The following EXO1 variants were observed in gnomAD, a reference collection of about 807,000 sequenced individuals.
EXO1 encodes the protein exonuclease 1.
In EXO1, 69 loss-of-function variants were observed where a neutral mutation model predicts 84.5. The ratio of observed to expected loss-of-function variants is 0.82; its 90% CI spans 0.67 to 1.00. The LOEUF (loss-of-function observed/expected upper bound fraction) is 1.00, where lower values mean the gene tolerates loss of function less well. Among genes scored for constraint, EXO1 ranks in the 50% least tolerant of loss-of-function variants. EXO1 has a pLI of 0.00. For missense variants in EXO1, 1,045 were observed against 1,000.7 expected, an observed-to-expected ratio of 1.04 and a Z score of -0.60; for synonymous variants, 373 against 366.1, an observed-to-expected ratio of 1.02 and a Z score of -0.21.
rs776925085 is a variant in EXO1, at chr1:241,850,391, T to G, written c.-17-18T>G. ...TTTCTTTAAATATTACTGTTCTCCC[T>G]GTCTCTTTTCATATCAGGTAGTTAA... is the stretch of plus-strand genomic sequence containing the variant. On this transcript the variant is annotated intron_variant, in intron 3 of 15. Coordinates refer to ENST00000366548, the MANE Select transcript of EXO1 (RefSeq NM_130398.4). 6.6e-7 allele frequency: 1 copy of G among 1,519,898 alleles called. No individual in the cohort carries two copies. The highest frequency in any genetic ancestry group is 9.1e-7 in the Non-Finnish European group (1 of 1,094,512). 94.2% of individuals were successfully genotyped at this position (1,519,898 alleles called of 1,614,324 possible). A position where few individuals can be genotyped will look rare whatever the true frequency, so the allele number is the denominator to read the frequency against.
Position 241,850,499 on chromosome 1 carries a change from AG to A in EXO1, c.76del (p.Val26Ter). ...EPIHVRKYKG[Q>X]VVAVDTYCWL... ...ATCCATGTGAGGAAGTATAAAGGGC[AG>A]GTAGTAGCTGTGGATACATATTGCT... On this transcript the variant is annotated frameshift_variant, in exon 4 of 16. Transcript: ENST00000366548. LOFTEE classifies it high-confidence loss of function. The A allele has an allele frequency of 6.2e-7, 1 of 1,613,808 alleles. No homozygotes were observed. Among genetic ancestry groups the A allele is most frequent in the Non-Finnish European group, 8.5e-7 (1 of 1,179,668 alleles).
At chr1:241,878,237 G>T (rs1318933964) in intron 12 of EXO1, among the ~76,000 whole-genome samples, 1 of 152,170 alleles carries the variant, frequency 6.6e-6, no homozygotes, top group Non-Finnish European at 1.5e-5. Context: ...TGTGGCTCAC[G>T]CCTGTAATCC....
At chr1:241,874,649 G>T (rs1662289085) in intron 12 of EXO1, among the ~76,000 whole-genome samples, 1 of 152,194 alleles carries the variant, frequency 6.6e-6, no homozygotes, top group Non-Finnish European at 1.5e-5. Context: ...GAATCTTGTT[G>T]TGTTCATTGT....
chr1:241,879,574 C>T (rs999619966), intron 13 of EXO1, among the ~76,000 whole-genome samples: 1 of 152,172 alleles, frequency 6.6e-6, no homozygotes, highest in Non-Finnish European at 1.5e-5. Flanking sequence ...TCCTGAATCA[C>T]TGTATGTTCG....
At chr1:241,852,264 C>G (rs1384727387) in intron 4 of EXO1, 28 bp from the exon 5 acceptor site, 1 of 1,588,596 alleles carries the variant, frequency 6.3e-7, no homozygotes, top group East Asian at 2.2e-5. Flanking sequence ...AAAGGTGAAG[C>G]ACTGAATGTT....
chr1:241,880,024 A>C (rs1662662205), intron 13 of EXO1, among the ~76,000 whole-genome samples: 1 of 151,992 alleles, frequency 6.6e-6, no homozygotes, highest in Non-Finnish European at 1.5e-5. Flanking sequence ...AAAAGAAAAA[A>C]AAAGAGACCT....
At chr1:241,881,152 C>T (rs1558145415) in intron 13 of EXO1, among the ~76,000 whole-genome samples, 1 of 152,126 alleles carries the variant, frequency 6.6e-6, no homozygotes, top group Non-Finnish European at 1.5e-5. Flanking sequence ...CTCAGCCTCC[C>T]AAGTAGCTGG....
At chr1:241,862,640 A>AT (rs4149933) in intron 10 of EXO1, among the ~76,000 whole-genome samples, 28 of 152,364 alleles carry the variant, frequency 1.8e-4, no homozygotes, top group African/African-American at 6.5e-4. Flanking sequence ...TGTGGTCTTC[A>AT]TAAAGGCAGA....
chr1:241,878,042 G>A (rs925997274), intron 12 of EXO1, among the ~76,000 whole-genome samples: 1 of 152,102 alleles, frequency 6.6e-6, no homozygotes, highest in Non-Finnish European at 1.5e-5. Flanking sequence ...CCCCATCCTA[G>A]GTACTGTGGA....
intron 15 of EXO1, 140 bp downstream of exon 15, chr1:241,885,647 TTAGC>T: frequency 1.4e-6 from 1 of 729,842 alleles, no homozygotes. Context: ...TCTCTTCCCT[TTAGC>T]TAACTCTTTA....
In EXO1 at chr1:241,860,705, G is replaced by T. The variant is rs923733715; in HGVS notation, c.944+1G>T. On this transcript the variant is annotated splice_donor_variant, in intron 9 of 15. Transcript: ENST00000366548. LOFTEE classifies it high-confidence loss of function. ...CTGAAACACTAAGCTACGCTGGGCA[G>T]TATCCTTTCTGAAACAGAATGGTAG... 1.9e-6 allele frequency: 3 copies of T among 1,610,256 alleles called. No homozygotes were observed. Among genetic ancestry groups the T allele is most frequent in the East Asian group, 2.2e-5 (1 of 44,836 alleles).
rs1660477236 is a variant in EXO1, at chr1:241,848,476, T to A, written c.-420+123T>A. The A allele has an allele frequency of 6.6e-6, 1 of 152,200 alleles. No individual in the cohort carries two copies. Among genetic ancestry groups the A allele is most frequent in the Non-Finnish European group, 1.5e-5 (1 of 68,118 alleles). The allele number at this position is 152,200 out of a possible 1,614,324, so 9.4% of individuals were successfully genotyped here. On this transcript the variant is annotated intron_variant, in intron 1 of 15. Transcript: ENST00000366548. The surrounding 1 kb of genome is among the most constrained non-coding windows in gnomAD (Gnocchi z 4.2). ...AGGAAGGGAAGGAGAGGGTCTGGCG[T>A]GATCTTCCCAACCCAACAGCGGAGC...
intron 8 of EXO1, 104 bp downstream of exon 8, chr1:241,858,822 A>G (rs4149902): frequency 1.4e-5 from 12 of 841,726 alleles, no homozygotes; most frequent in Non-Finnish European, 2.2e-5. Flanking sequence ...CGAATAACCT[A>G]TATTATATTA....
In EXO1 at chr1:241,857,240, T is replaced by C. The variant is rs572991545; in HGVS notation, c.406-105T>C. On this transcript the variant is annotated intron_variant, in intron 6 of 15. Coordinates refer to ENST00000366548, the MANE Select transcript of EXO1 (RefSeq NM_130398.4). ...AGGAAATGATTTCTCAAAGTAATAT[T>C]AGCATGTGCCTGCTGAGGCTAGTAA... 9.5e-6 allele frequency: 10 copies of C among 1,048,096 alleles called. No homozygotes were observed. In the East Asian group the frequency reaches 2.2e-4, roughly 23 times the overall value. 64.9% of individuals were successfully genotyped at this position (1,048,096 alleles called of 1,614,324 possible). A position where few individuals can be genotyped will look rare whatever the true frequency, so the allele number is the denominator to read the frequency against.
At chr1:241,864,232 T>G (rs894543432) in intron 10 of EXO1, among the ~76,000 whole-genome samples, 4 of 152,214 alleles carry the variant, frequency 2.6e-5, no homozygotes, top group Non-Finnish European at 5.9e-5. Flanking sequence ...TTGTGAATTC[T>G]CCAATGTTGG....
At chr1:241,858,791 G>A in intron 8 of EXO1, 73 bp downstream of exon 8, 1 of 980,006 alleles carries the variant, frequency 1.0e-6, no homozygotes, top group Admixed American at 1.8e-5. Flanking sequence ...ATCATAATAT[G>A]GATTTAAATA....
At chr1:241,889,441 A>G in intron 15 of EXO1, 24 bp from the exon 16 acceptor site, 1 of 1,603,386 alleles carries the variant, frequency 6.2e-7, no homozygotes, top group Non-Finnish European at 8.5e-7. Context: ...AAAAATACCA[A>G]ATGTATTTTA....
intron 12 of EXO1, among the ~76,000 whole-genome samples, chr1:241,876,836 T>C (rs941172792): frequency 6.6e-6 from 1 of 152,106 alleles, no homozygotes; most frequent in African/African-American, 2.4e-5. Flanking sequence ...CGGCATACAA[T>C]CCAATAGGCC....
rs1464464829 is a variant in EXO1 at position 241,879,034 on chromosome 1, C to T, written c.1800C>T (p.Pro600=). The change falls in exon 13 of 16, where the codon CCC becomes CCT. Residue 600 remains proline (P), a synonymous_variant. Coordinates refer to ENST00000366548, the MANE Select transcript of EXO1 (RefSeq NM_130398.4). Reference sequence around the variant, plus strand: ...AATTTACAAGGACCATTTCACCACCCACTTTGGGAACACTAAGAAGTTGTT... The same window carrying T: ...AATTTACAAGGACCATTTCACCACCTACTTTGGGAACACTAAGAAGTTGTT... ...SSKFTRTISP[P]TLGTLRSCFS... 6.2e-7 allele frequency: 1 copy of T among 1,614,204 alleles called. No homozygotes were observed. Among genetic ancestry groups the T allele is most frequent in the Non-Finnish European group, 8.5e-7 (1 of 1,180,040 alleles).
Sources: allele counts gnomAD v4.1 joint callset (sites outside exome capture counted in the v4.1 genomes callset), GRCh38; gene constraint gnomAD v4.1.1; non-coding constraint Gnocchi (gnomAD v3.1); transcripts MANE v1.5; gene names NCBI Gene and HGNC (gene_info 2026-07-23, HGNC 2026-07-21).